The following NCOR2 variants were observed in gnomAD, a reference collection of about 807,000 sequenced individuals.
NCOR2 encodes nuclear receptor corepressor 2, also known as CTG repeat protein 26.
Under a neutral mutation model 262.9 loss-of-function variants are expected in NCOR2, and 81 were observed. The observed-to-expected ratio is 0.31, with a 90% CI of 0.26 to 0.37. The LOEUF is 0.37. Among genes scored for constraint, NCOR2 ranks in the 10% least tolerant of loss-of-function variants. The probability of loss-of-function intolerance (pLI) is 1.00; values close to 1 mark genes in which losing one functional copy is unlikely to be tolerated. For synonymous variants in NCOR2, 1,659 were observed against 1,559.3 expected (o/e 1.06, Z -1.51); for missense variants, 3,385 against 3,621.4 (o/e 0.93, Z 1.68).
At chr12:124,433,423 G>A (rs1426506075) in intron 8 of NCOR2, among the ~76,000 whole-genome samples, 2 of 152,254 alleles carry the variant, frequency 1.3e-5, no homozygotes, top group African/African-American at 4.8e-5. Context: ...GCGGGCGGAA[G>A]CCAACAGGCC....
chr12:124,446,949 C>G (rs535184359), intron 7 of NCOR2, among the ~76,000 whole-genome samples: 4 of 152,302 alleles, frequency 2.6e-5, no homozygotes, highest in South Asian at 4.1e-4. Flanking sequence ...GAGTCTTGCT[C>G]TGTTGCCCAG....
At chr12:124,554,601 C>T (rs151220919) in intron 1 of NCOR2, among the ~76,000 whole-genome samples, 5,582 of 152,332 alleles carry the variant, frequency 0.037, 141 homozygotes, top group Middle Eastern at 0.068. Context: ...CCTGGACCCA[C>T]GGACGGGGGC....
At chr12:124,500,105 CGAG>C (rs1323874282), upstream of NCOR2, among the ~76,000 whole-genome samples, 1 of 152,018 alleles carries the variant, frequency 6.6e-6, no homozygotes, top group Non-Finnish European at 1.5e-5. Context: ...GTCAGGCCTC[CGAG>C]GAGAACAAGA....
At chr12:124,510,993 G>A (rs1205027749) in intron 1 of NCOR2, among the ~76,000 whole-genome samples, 1 of 152,230 alleles carries the variant, frequency 6.6e-6, no homozygotes, top group Non-Finnish European at 1.5e-5. Context: ...TGAAGCAAGA[G>A]TCACACCTTT....
chr12:124,362,758 G>A (rs925451720), intron 21 of NCOR2, among the ~76,000 whole-genome samples: 19 of 151,632 alleles, frequency 1.3e-4, no homozygotes, highest in Non-Finnish European at 2.2e-4. Context: ...GCCTGGTGGT[G>A]CACAGGGGGA....
rs371166307 is a variant in NCOR2, at chr12:124,378,389, G to C, written c.2020-5C>G. ...CCGCGCGTTCCTCTCCTTCTCCTGGGGCACAGGGAAGCAGCAGATCAGGAC... is the reference window on the plus strand; with the variant it reads ...CCGCGCGTTCCTCTCCTTCTCCTGGCGCACAGGGAAGCAGCAGATCAGGAC... On this transcript the variant is annotated splice_polypyrimidine_tract_variant and splice_region_variant and intron_variant, in intron 17 of 46. Coordinates refer to ENST00000405201, the Ensembl canonical transcript of NCOR2. This position sits in a 1 kb window ranked among gnomAD's most constrained non-coding sequence, Gnocchi z 4.2. 3.0e-5 allele frequency: 48 copies of C among 1,609,560 alleles called. 1 individual carries two copies. The Middle Eastern group carries it at 5.0e-4, about 17-fold the overall frequency.
chr12:124,357,764 TAC>T (rs1310918933), intron 22 of NCOR2, among the ~76,000 whole-genome samples: 1 of 152,280 alleles, frequency 6.6e-6, no homozygotes, highest in Non-Finnish European at 1.5e-5. Context: ...GCCTGTGCTC[TAC>T]ACAATGTTGA....
At chr12:124,416,732 C>A (rs1041904436) in intron 13 of NCOR2, among the ~76,000 whole-genome samples, 3 of 149,204 alleles carry the variant, frequency 2.0e-5, no homozygotes, top group Non-Finnish European at 4.4e-5. Flanking sequence ...CAGGGAGTCC[C>A]CGCGGCACAG....
chr12:124,352,480 T>C (rs2037573731), intron 27 of NCOR2, among the ~76,000 whole-genome samples: 2 of 151,976 alleles, frequency 1.3e-5, no homozygotes, highest in African/African-American at 4.8e-5. Flanking sequence ...TCAAGTGATC[T>C]TCCTGCCTCC....
rs370175010 is a variant in NCOR2, at chr12:124,343,269, C to T, written c.4715-43G>A. ...GGATGCATCGGGCCTCTGGGGCTGG[C>T]ATTTACGGGGAGTTGTTTGAGGATA... On this transcript the variant is annotated intron_variant, in intron 32 of 46. Transcript: ENST00000405201. 3 of 1,557,206 alleles carry T rather than the reference C, an allele frequency of 1.9e-6. No individual in the cohort carries two copies. The African/African-American group carries it at 4.1e-5, about 21-fold the overall frequency.
chr12:124,448,786 G>A (rs562536983), intron 7 of NCOR2, among the ~76,000 whole-genome samples: 1 of 152,274 alleles, frequency 6.6e-6, no homozygotes, highest in Middle Eastern at 3.4e-3. Flanking sequence ...TCAGGAACGG[G>A]GAGCTCACCA....
At chr12:124,442,536 A>G (rs1056596156) in intron 7 of NCOR2, among the ~76,000 whole-genome samples, 1 of 152,006 alleles carries the variant, frequency 6.6e-6, no homozygotes, top group African/African-American at 2.4e-5. Context: ...CGTATTTGCA[A>G]CTCTTCTGTT....
intron 5 of NCOR2, among the ~76,000 whole-genome samples, chr12:124,462,326 G>T (rs1019435996): frequency 2.6e-5 from 4 of 152,092 alleles, no homozygotes; most frequent in African/African-American, 9.7e-5. Flanking sequence ...GCAGATTGGG[G>T]GCAGCACCTA....
At chr12:124,335,852 G>C in intron 38 of NCOR2, 1 of 560,570 alleles carries the variant, frequency 1.8e-6, no homozygotes, top group Non-Finnish European at 3.2e-6. Context: ...GCCCGGGACA[G>C]AGACAGACAG....
At chr12:124,340,787 G>A in intron 34 of NCOR2, 36 bp from the exon 37 acceptor site, 1 of 1,475,060 alleles carries the variant, frequency 6.8e-7, no homozygotes, top group Non-Finnish European at 8.9e-7. Flanking sequence ...GTAGCCACAG[G>A]GAGGAGAGAG....
intron 45 of NCOR2, 62 bp from the exon 48 acceptor site, chr12:124,326,432 G>T: frequency 7.2e-7 from 1 of 1,394,100 alleles, no homozygotes; most frequent in Non-Finnish European, 9.3e-7. Flanking sequence ...CGACGCTACG[G>T]TGGGGCCACA....
intron 3 of NCOR2, among the ~76,000 whole-genome samples, chr12:124,474,724 G>A (rs2047006948): frequency 6.6e-6 from 1 of 152,138 alleles, no homozygotes; most frequent in Admixed American, 6.5e-5. Flanking sequence ...ATGAGTTAAT[G>A]GCTCTGAGCC....
At chr12:124,329,010 C>T (rs1049370050) in intron 44 of NCOR2, 10 of 425,262 alleles carry the variant, frequency 2.4e-5, no homozygotes, top group Middle Eastern at 3.4e-4. Flanking sequence ...ATCACAGCAG[C>T]GCGACTGGGC....
intron 5 of NCOR2, among the ~76,000 whole-genome samples, chr12:124,461,556 T>A (rs2046165383): frequency 6.6e-6 from 1 of 152,196 alleles, no homozygotes; most frequent in African/African-American, 2.4e-5. Context: ...CAGACCCACG[T>A]TACCAAGTGC....
Sources: gnomAD v4.1 joint callset for allele counts (sites outside exome capture counted in the v4.1 genomes callset) on GRCh38, gnomAD v4.1.1 for gene constraint, Gnocchi (gnomAD v3.1) non-coding constraint, MANE v1.5 for transcripts, NCBI Gene and HGNC (gene_info 2026-07-23, HGNC 2026-07-21) for gene names.